Variants in DIP2B observed in about 807,000 individuals in gnomAD.
DIP2B encodes the protein disco-interacting protein 2 homolog B.
DIP2B carries 76 observed loss-of-function variants against 198.0 expected under a neutral mutation model. The observed-to-expected ratio is 0.38, with a 90% CI of 0.32 to 0.46. DIP2B has a LOEUF of 0.46. DIP2B is among the 20% of genes least tolerant of loss of function. The pLI, the probability that DIP2B is intolerant of heterozygous loss-of-function variation, is 0.99. For missense variants in DIP2B, 1,559 were observed against 1,978.4 expected (o/e 0.79, Z 4.02); for synonymous variants, 701 against 739.1 (o/e 0.95, Z 0.84).
intron 13 of DIP2B, among the ~76,000 whole-genome samples, chr12:50,692,290 A>G (rs1022546247): frequency 1.3e-5 from 2 of 152,066 alleles, no homozygotes; most frequent in African/African-American, 4.8e-5. Context: ...AGATATATAC[A>G]TATACACACC....
chr12:50,737,702 C>T (rs1022910470), intron 35 of DIP2B, among the ~76,000 whole-genome samples: 2 of 151,944 alleles, frequency 1.3e-5, no homozygotes, highest in Non-Finnish European at 2.9e-5. Flanking sequence ...TCTTGTGCCT[C>T]GGCCTTCCCA....
intron 4 of DIP2B, among the ~76,000 whole-genome samples, chr12:50,664,120 A>G (rs1938704853): frequency 6.6e-6 from 1 of 152,162 alleles, no homozygotes; most frequent in African/African-American, 2.4e-5. Flanking sequence ...TTTGGGAGGC[A>G]CTCAATACGT....
intron 1 of DIP2B, among the ~76,000 whole-genome samples, chr12:50,567,926 T>C (rs1186509515): frequency 6.6e-6 from 1 of 152,218 alleles, no homozygotes; most frequent in African/African-American, 2.4e-5. Context: ...TGGTCCTTTG[T>C]ATGTTGAGTA....
At chr12:50,507,745 A>G (rs1957980471) in intron 1 of DIP2B, among the ~76,000 whole-genome samples, 1 of 152,168 alleles carries the variant, frequency 6.6e-6, no homozygotes, top group African/African-American at 2.4e-5. Context: ...CGTGTTGGCC[A>G]GGCTGATCTT....
chr12:50,696,328 A>T (rs969845579), intron 16 of DIP2B, among the ~76,000 whole-genome samples: 3 of 152,168 alleles, frequency 2.0e-5, no homozygotes, highest in Admixed American at 2.0e-4. Context: ...TTTTCTTAGC[A>T]TGTTTTTAAC....
chr12:50,562,406 A>C (rs1167283504), intron 1 of DIP2B, among the ~76,000 whole-genome samples: 1 of 152,046 alleles, frequency 6.6e-6, no homozygotes, highest in Admixed American at 6.6e-5. Context: ...TGCCATTTAT[A>C]TATTTGAAAG....
intron 28 of DIP2B, 108 bp from the exon 29 acceptor site, chr12:50,727,595 T>G: frequency 2.1e-6 from 2 of 958,672 alleles, no homozygotes; most frequent in Non-Finnish European, 3.3e-6. Context: ...GGCCTAAGCT[T>G]TAGCAAATCT....
At chr12:50,640,281 G>A (rs555530865) in intron 2 of DIP2B, among the ~76,000 whole-genome samples, 148 of 152,040 alleles carry the variant, frequency 9.7e-4, no homozygotes, top group Non-Finnish European at 2.0e-3. Context: ...GTTGGAAGAG[G>A]GGCTAATAGA....
Position 50,646,114 on chromosome 12 carries a change from A to ATTTAT in DIP2B, c.301+5281_301+5285dup, listed in dbSNP as rs1327221738. On this transcript the variant is annotated intron_variant, in intron 3 of 37. Transcript: ENST00000301180. ...GATTTTAAGGTCTTAATTATTGTTT[A>ATTTAT]TTTATTTTATTTTATTTTATTTTTT... Among the ~76,000 whole-genome samples, 7 of 151,936 alleles carry ATTTAT rather than the reference A, an allele frequency of 4.6e-5. No homozygotes were observed. In the East Asian group the frequency reaches 9.7e-4, roughly 21 times the overall value.
At chr12:50,664,873 G>A (rs1207204344) in intron 4 of DIP2B, among the ~76,000 whole-genome samples, 1 of 67,156 alleles carries the variant, frequency 1.5e-5, no homozygotes, top group Admixed American at 2.1e-4. Flanking sequence ...TTTTTTTTTT[G>A]ACACAGTCTC....
At chr12:50,577,028 G>A (rs947993650) in intron 1 of DIP2B, among the ~76,000 whole-genome samples, 1 of 151,372 alleles carries the variant, frequency 6.6e-6, no homozygotes, top group Non-Finnish European at 1.5e-5. Flanking sequence ...TGTATTTTTA[G>A]TAGAGGGGGC....
At chr12:50,635,555 A>T (rs1209429186) in intron 2 of DIP2B, among the ~76,000 whole-genome samples, 1 of 152,128 alleles carries the variant, frequency 6.6e-6, no homozygotes, top group Non-Finnish European at 1.5e-5. Context: ...AGTACACTGC[A>T]CTTGGCAGCT....
intron 1 of DIP2B, among the ~76,000 whole-genome samples, chr12:50,505,493 C>T (rs1376053946): frequency 1.3e-5 from 2 of 152,316 alleles, no homozygotes; most frequent in African/African-American, 4.8e-5. Flanking sequence ...CACACTGCTT[C>T]TGCGCTTCCT....
In DIP2B at chr12:50,708,863, G is replaced by A. The variant is rs1490032792; in HGVS notation, c.2649+301G>A. Among the ~76,000 whole-genome samples, 3 of 152,250 alleles carry A rather than the reference G, an allele frequency of 2.0e-5. No homozygotes were observed. In the East Asian group the frequency reaches 5.8e-4, roughly 29 times the overall value. ...TCATATGTGGAACACATCTCTGGCA[G>A]TAATCAATCCACTTGTCAACAGTCA... On this transcript the variant is annotated intron_variant, in intron 22 of 37. Coordinates refer to ENST00000301180, the MANE Select transcript of DIP2B (RefSeq NM_173602.3).
At chr12:50,568,716 A>G (rs1958588056) in intron 1 of DIP2B, among the ~76,000 whole-genome samples, 1 of 152,098 alleles carries the variant, frequency 6.6e-6, no homozygotes, top group Non-Finnish European at 1.5e-5. Context: ...TATTTTATTT[A>G]GTTGAGAGTG....
At chr12:50,653,356 T>TC in intron 3 of DIP2B, among the ~76,000 whole-genome samples, 1 of 145,710 alleles carries the variant, frequency 6.9e-6, no homozygotes, top group East Asian at 2.0e-4. Context: ...CTTTTTTTTT[T>TC]TTTTTTTTTA....
chr12:50,630,979 C>G (rs1593670483), intron 2 of DIP2B, among the ~76,000 whole-genome samples: 1 of 152,034 alleles, frequency 6.6e-6, no homozygotes, highest in South Asian at 2.1e-4. Flanking sequence ...CCATCCACCA[C>G]TTCTTATCTT....
chr12:50,710,695 G>A (rs556416062), intron 22 of DIP2B, among the ~76,000 whole-genome samples: 7 of 152,158 alleles, frequency 4.6e-5, no homozygotes, highest in Non-Finnish European at 7.3e-5. Flanking sequence ...AGAGTGCTGG[G>A]ATTATAGATG....
intron 3 of DIP2B, among the ~76,000 whole-genome samples, chr12:50,652,488 A>T (rs960187491): frequency 2.0e-5 from 3 of 151,968 alleles, no homozygotes; most frequent in Non-Finnish European, 4.4e-5. Flanking sequence ...GTGAACTGAG[A>T]TTACACCATT....
Sources: allele counts gnomAD v4.1 joint callset (sites outside exome capture counted in the v4.1 genomes callset), GRCh38; gene constraint gnomAD v4.1.1; transcripts MANE v1.5; gene names NCBI Gene and HGNC (gene_info 2026-07-23, HGNC 2026-07-21).